Variants in CRTAM observed in about 807,000 individuals in gnomAD.
The protein encoded by CRTAM is cytotoxic and regulatory T cell molecule, also known as cytotoxic and regulatory T-cell molecule.
In CRTAM, 44 loss-of-function variants were observed where a neutral mutation model predicts 50.0. The observed-to-expected ratio is 0.88, with a 90% CI of 0.69 to 1.13. The LOEUF (loss-of-function observed/expected upper bound fraction) is 1.13, where lower values mean the gene tolerates loss of function less well. Ranked by LOEUF, CRTAM falls within the 50% of genes most tolerant of loss-of-function variation. The probability of loss-of-function intolerance (pLI) is 0.00; values close to 1 mark genes in which losing one functional copy is unlikely to be tolerated. For synonymous variants in CRTAM, 159 were observed against 169.3 expected (o/e 0.94, Z 0.47); for missense variants, 448 against 457.5 (o/e 0.98, Z 0.19).
chr11:122,871,257 T>C lies in CRTAM; in HGVS notation c.1052-12T>C. 1 of 1,601,412 alleles carries C rather than the reference T, an allele frequency of 6.2e-7. No individual in the cohort carries two copies. The highest frequency in any genetic ancestry group is 8.5e-7 in the Non-Finnish European group (1 of 1,174,432). On this transcript the variant is annotated splice_polypyrimidine_tract_variant and intron_variant, in intron 9 of 9. Coordinates refer to ENST00000227348, the MANE Select transcript of CRTAM (RefSeq NM_019604.4). ...AAAATAAATATTCATCTTCAACATG[T>C]TTTTCTTTCAGCTTCCCACCCTATG...
intron 3 of CRTAM, 50 bp downstream of exon 3, chr11:122,851,895 C>T (rs750570544): frequency 3.9e-6 from 6 of 1,553,618 alleles, no homozygotes; most frequent in East Asian, 2.3e-5. Context: ...GATAGGAACA[C>T]GATATGTCGT....
chr11:122,851,266 TA>T (rs11287824), intron 2 of CRTAM, among the ~76,000 whole-genome samples: 125,190 of 138,798 alleles, frequency 0.9, 56,493 homozygotes, highest in Middle Eastern at 0.97. Flanking sequence ...ACTCTGTCTC[TA>T]AAAAAAAAAA....
At position 122,866,860 on chromosome 11, in the gene CRTAM, C is replaced by A. The variant is rs1862181956; in HGVS notation, c.818-549C>A. Among the ~76,000 whole-genome samples the A allele has an allele frequency of 3.3e-5, 5 of 152,136 alleles. 1 individual carries two copies. The South Asian group carries it at 1.0e-3, about 32-fold the overall frequency. On this transcript the variant is annotated intron_variant, in intron 7 of 9. Transcript: ENST00000227348. ...TCCTGGCCTCAAGCAACCCTCCCAT[C>A]CCAGCCTCCCAAAGTGCTGGGATTA... is the stretch of plus-strand genomic sequence containing the variant.
chr11:122,854,121 C>A, intron 4 of CRTAM, 35 bp downstream of exon 4: 3 of 1,594,380 alleles, frequency 1.9e-6, no homozygotes, highest in Non-Finnish European at 2.6e-6. Context: ...GTCTTCCTTC[C>A]TACTCAAATT....
intron 1 of CRTAM, among the ~76,000 whole-genome samples, chr11:122,844,836 G>A (rs1426582714): frequency 6.6e-6 from 1 of 152,196 alleles, no homozygotes; most frequent in Non-Finnish European, 1.5e-5. Flanking sequence ...GAGCTTTGAT[G>A]CCCTCATCTG....
chr11:122,843,217 A>C (rs773231557), intron 1 of CRTAM, among the ~76,000 whole-genome samples: 1 of 152,168 alleles, frequency 6.6e-6, no homozygotes. Context: ...CCATCCACTG[A>C]TAGGACAATT....
intron 1 of CRTAM, among the ~76,000 whole-genome samples, chr11:122,842,372 G>A (rs903314021): frequency 6.6e-6 from 1 of 152,166 alleles, no homozygotes; most frequent in Non-Finnish European, 1.5e-5. Flanking sequence ...CCACCTCCCA[G>A]GTTCAAGTGA....
In CRTAM at chr11:122,870,628, C is replaced by A. The variant is rs188745111; in HGVS notation, c.1052-641C>A. ...TGCATAGGCCTTGAGTGTGATCTGC[C>A]CCGACCCTATTTTTGCAGTAAGCCC... On this transcript the variant is annotated intron_variant, in intron 9 of 9. Transcript: ENST00000227348. 2.1e-3 allele frequency among the ~76,000 whole-genome samples: 322 copies of A among 152,230 alleles called. 2 individuals are homozygous for A. The highest frequency in any genetic ancestry group is 7.6e-3 in the African/African-American group (314 of 41,524).
At chr11:122,861,415 T>TC (rs1862079106) in intron 5 of CRTAM, among the ~76,000 whole-genome samples, 1 of 23,132 alleles carries the variant, frequency 4.3e-5, no homozygotes, top group Non-Finnish European at 7.3e-5. Context: ...TATATATATA[T>TC]ATATATTTTT....
At chr11:122,844,051 A>G (rs896095747) in intron 1 of CRTAM, among the ~76,000 whole-genome samples, 15 of 152,224 alleles carry the variant, frequency 9.9e-5, no homozygotes, top group African/African-American at 3.4e-4. Context: ...CGAATATTCT[A>G]TGCCTCAAAC....
chr11:122,870,539 T>C (rs1271094862), intron 9 of CRTAM, among the ~76,000 whole-genome samples: 3 of 152,192 alleles, frequency 2.0e-5, no homozygotes, highest in Non-Finnish European at 4.4e-5. Context: ...AGCATTTTAA[T>C]TGTGTTGTTT....
At position 122,870,291 on chromosome 11, in the gene CRTAM, G is replaced by A. The variant is rs370450945; in HGVS notation, c.1052-978G>A. On this transcript the variant is annotated intron_variant, in intron 9 of 9. Transcript: ENST00000227348. Reference sequence around the variant, plus strand: ...AGATGGGGTTTCACCATGTTGCCCAGGCTGGTCTTGAACTCCTGGACTCAA... The same window carrying A: ...AGATGGGGTTTCACCATGTTGCCCAAGCTGGTCTTGAACTCCTGGACTCAA... Among the ~76,000 whole-genome samples, 41 of 151,970 alleles carry A rather than the reference G, an allele frequency of 2.7e-4. No homozygotes were observed. In the South Asian group the frequency reaches 8.5e-3, roughly 32 times the overall value.
At chr11:122,863,137 T>C (rs1862110354) in intron 6 of CRTAM, among the ~76,000 whole-genome samples, 1 of 152,040 alleles carries the variant, frequency 6.6e-6, no homozygotes, top group Non-Finnish European at 1.5e-5. Flanking sequence ...TCACTAGAGG[T>C]TAACTCAGAG....
intron 9 of CRTAM, among the ~76,000 whole-genome samples, chr11:122,869,717 G>A (rs1404884251): frequency 6.6e-6 from 1 of 152,162 alleles, no homozygotes; most frequent in Non-Finnish European, 1.5e-5. Flanking sequence ...TTTGTAGGAG[G>A]CTTGTCTTTT....
At position 122,871,287 on chromosome 11, in the gene CRTAM, G is replaced by A; in HGVS notation, c.1070G>A (p.Cys357Tyr). The A allele has an allele frequency of 6.2e-7, 1 of 1,613,108 alleles. No homozygotes were observed. The highest frequency in any genetic ancestry group is 1.7e-5 in the Admixed American group (1 of 59,952). ...CTTTCAGCTTCCCACCCTATGCGTT[G>A]CATGAACTACATCACAAAGTTGTAC... ...KNGQSSHPMRCMNYITKLYSE... is the reference protein window; with the variant it reads ...KNGQSSHPMRYMNYITKLYSE... Residue 357 changes from cysteine (C) to tyrosine (Y), a missense_variant, in exon 10 of 10, where the codon TGC (cysteine) becomes TAC (tyrosine). Transcript: ENST00000227348.
At chr11:122,851,457 G>T (rs1467525144) in intron 2 of CRTAM, among the ~76,000 whole-genome samples, 1 of 152,060 alleles carries the variant, frequency 6.6e-6, no homozygotes, top group African/African-American at 2.4e-5. Context: ...TCTGGTTTTG[G>T]TACACTGGGA....
At chr11:122,865,449 GTC>G (rs755438513) in intron 7 of CRTAM, among the ~76,000 whole-genome samples, 1 of 151,598 alleles carries the variant, frequency 6.6e-6, no homozygotes, top group African/African-American at 2.4e-5. Flanking sequence ...TAGAGACAGG[GTC>G]TCTCTCTGTC....
chr11:122,865,581 C>T (rs79668992), intron 7 of CRTAM, among the ~76,000 whole-genome samples: 4 of 152,228 alleles, frequency 2.6e-5, no homozygotes, highest in Non-Finnish European at 5.9e-5. Flanking sequence ...CCACTGTGCC[C>T]AGTAAGCAAA....
chr11:122,846,590 A>G (rs574158134), intron 1 of CRTAM, among the ~76,000 whole-genome samples: 1 of 152,174 alleles, frequency 6.6e-6, no homozygotes, highest in East Asian at 1.9e-4. Context: ...ACATAGCCAT[A>G]AATTTTATTA....
Sources: allele counts gnomAD v4.1 joint callset (sites outside exome capture counted in the v4.1 genomes callset), GRCh38; gene constraint gnomAD v4.1.1; transcripts MANE v1.5; gene names NCBI Gene and HGNC (gene_info 2026-07-23, HGNC 2026-07-21).